Variants in MTURN observed in about 807,000 individuals in gnomAD.
MTURN encodes the protein maturin, neural progenitor differentiation regulator homolog.
A neutral mutation model predicts 14.9 loss-of-function variants in MTURN; 7 were observed. The observed-to-expected ratio is 0.47, with a 90% CI of 0.27 to 0.88. The LOEUF (loss-of-function observed/expected upper bound fraction) is 0.88, where lower values mean the gene tolerates loss of function less well. Among genes scored for constraint, MTURN ranks in the 40% least tolerant of loss-of-function variants. The pLI, the probability that MTURN is intolerant of heterozygous loss-of-function variation, is 0.14. For synonymous variants in MTURN, 69 were observed against 72.5 expected, an observed-to-expected ratio of 0.95 and a Z score of 0.25; for missense variants, 151 against 174.1, an observed-to-expected ratio of 0.87 and a Z score of 0.75.
At position 30,159,051 on chromosome 7, in the gene MTURN, C is replaced by A. The variant is rs566500989; in HGVS notation, c.*1503C>A. On this transcript the variant is annotated 3_prime_UTR_variant, in exon 3 of 3. Transcript: ENST00000324453. Reference sequence around the variant, plus strand: ...TAATTGATTGGTGCTGTGAGGAGTTCGGCTGCTCGTGGTAAAACAGCGTAC... The same window carrying A: ...TAATTGATTGGTGCTGTGAGGAGTTAGGCTGCTCGTGGTAAAACAGCGTAC... 7 of 152,232 alleles carry A rather than the reference C, an allele frequency of 4.6e-5. 1 individual carries two copies. Among genetic ancestry groups the A allele is most frequent in the Admixed American group, 4.6e-4 (7 of 15,294 alleles). 9.4% of individuals were successfully genotyped at this position (152,232 alleles called of 1,614,324 possible).
intron 1 of MTURN, among the ~76,000 whole-genome samples, chr7:30,143,273 G>A (rs1024457340): frequency 6.6e-6 from 1 of 151,770 alleles, no homozygotes; most frequent in Non-Finnish European, 1.5e-5. Context: ...TCTGTGTCCC[G>A]TCTGTAGTAA....
At chr7:30,155,613 A>G (rs1797275214) in intron 2 of MTURN, among the ~76,000 whole-genome samples, 1 of 152,172 alleles carries the variant, frequency 6.6e-6, no homozygotes, top group South Asian at 2.1e-4. Flanking sequence ...TCCCCTCTAC[A>G]TCCGCAGAGT....
chr7:30,145,998 A>G (rs753339933), intron 1 of MTURN, 179 bp from the exon 2 acceptor site: 1 of 1,549,246 alleles, frequency 6.5e-7, no homozygotes, highest in South Asian at 1.2e-5. Context: ...TAGATTAGAC[A>G]TTTTTTCTTC....
At chr7:30,144,487 C>T (rs188763255) in intron 1 of MTURN, among the ~76,000 whole-genome samples, 6 of 152,270 alleles carry the variant, frequency 3.9e-5, no homozygotes, top group African/African-American at 1.4e-4. Context: ...ACATAAATGA[C>T]ATTGTGGTGG....
intron 1 of MTURN, among the ~76,000 whole-genome samples, chr7:30,141,966 T>TA (rs1333814292): frequency 2.0e-5 from 3 of 152,104 alleles, no homozygotes; most frequent in Non-Finnish European, 2.9e-5. Context: ...AGTGTGTTCT[T>TA]ACCTCCCCTG....
intron 2 of MTURN, among the ~76,000 whole-genome samples, chr7:30,149,918 A>C (rs1797183674): frequency 6.6e-6 from 1 of 152,072 alleles, no homozygotes; most frequent in South Asian, 2.1e-4. Flanking sequence ...TGGGAGAGCT[A>C]TTTCTGTGAG....
Position 30,135,180 on chromosome 7 carries a change from C to G in MTURN, c.44C>G (p.Ser15Cys). The change falls in exon 1 of 3, where the codon TCC (serine) becomes TGC (cysteine). Residue 15 changes from serine to cysteine, a missense_variant. By Grantham distance (112) the Ser-to-Cys change is moderately radical. Transcript: ENST00000324453. Reference sequence around the variant, plus strand: ...GCCGACGTTGCGGAGAAATGGTGCTCCAACACGCCCTTCGAGCTCATCGCC... The same window carrying G: ...GCCGACGTTGCGGAGAAATGGTGCTGCAACACGCCCTTCGAGCTCATCGCC... ...QLADVAEKWC[S>C]NTPFELIATE... The G allele has an allele frequency of 1.3e-6, 2 of 1,491,066 alleles. No individual in the cohort carries two copies. The highest frequency in any genetic ancestry group is 1.8e-6 in the Non-Finnish European group (2 of 1,116,910). 92.4% of individuals were successfully genotyped at this position (1,491,066 alleles called of 1,614,324 possible).
chr7:30,159,977 G>GC lies in MTURN; in HGVS notation c.*2430dup, dbSNP rs1797344998. 6.6e-6 allele frequency: 1 copy of GC among 152,420 alleles called. No homozygotes were observed. Among genetic ancestry groups the GC allele is most frequent in the African/African-American group, 2.4e-5 (1 of 41,476 alleles). 9.4% of individuals were successfully genotyped at this position (152,420 alleles called of 1,614,324 possible). ...TTACACATTTACTCACCAGGAGGTG[G>GC]CAGCGGTGTGGGAGGAGGAGTGTTG... On this transcript the variant is annotated 3_prime_UTR_variant, in exon 3 of 3. Transcript: ENST00000324453.
rs187024339 is a variant in MTURN, at chr7:30,142,858, A to G, written c.163-3319A>G. Among the ~76,000 whole-genome samples, 23 of 152,356 alleles carry G rather than the reference A, an allele frequency of 1.5e-4. No homozygotes were observed. In the East Asian group the frequency reaches 4.2e-3, roughly 28 times the overall value. On this transcript the variant is annotated intron_variant, in intron 1 of 2. Coordinates refer to ENST00000324453, the MANE Select transcript of MTURN (RefSeq NM_152793.3). ...TTCCGTACCCAGATTCATGTTTGCC[A>G]GGGCGTTGCATTGTTCAGCGCTAGA... is the stretch of plus-strand genomic sequence containing the variant.
At position 30,160,314 on chromosome 7, in the gene MTURN, T is replaced by A. The variant is rs1168537621; in HGVS notation, c.*2766T>A. 5.3e-5 allele frequency: 8 copies of A among 152,320 alleles called. No individual in the cohort carries two copies. Among genetic ancestry groups the A allele is most frequent in the African/African-American group, 1.9e-4 (8 of 41,462 alleles). 9.4% of individuals were successfully genotyped at this position (152,320 alleles called of 1,614,324 possible). A position where few individuals can be genotyped will look rare whatever the true frequency, so the allele number is the denominator to read the frequency against. ...TGAGGGCTCGATCTCATGGGGCAGA[T>A]GAAATTCTCTTCCTTAGAGGAAAGG... On this transcript the variant is annotated 3_prime_UTR_variant, in exon 3 of 3. Coordinates refer to ENST00000324453, the MANE Select transcript of MTURN (RefSeq NM_152793.3).
At chr7:30,141,330 A>T (rs932808456) in intron 1 of MTURN, 1 of 151,382 alleles carries the variant, frequency 6.6e-6, no homozygotes, top group East Asian at 1.9e-4. Flanking sequence ...CAGGAGAATC[A>T]ATTGATCCCG....
chr7:30,159,695 G>C lies in MTURN; in HGVS notation c.*2147G>C, dbSNP rs1797341304. On this transcript the variant is annotated 3_prime_UTR_variant, in exon 3 of 3. Coordinates refer to ENST00000324453, the MANE Select transcript of MTURN (RefSeq NM_152793.3). ...TAGGAAACAGAGAACATGTCTGTAT[G>C]TTACTTAATCTCCATAGCAAAATCC... 1 of 152,650 alleles carries C rather than the reference G, an allele frequency of 6.6e-6. No homozygotes were observed. Among genetic ancestry groups the C allele is most frequent in the East Asian group, 1.9e-4 (1 of 5,202 alleles). 9.5% of individuals were successfully genotyped at this position (152,650 alleles called of 1,614,324 possible).
chr7:30,148,769 G>A (rs774980283), intron 2 of MTURN, among the ~76,000 whole-genome samples: 2 of 152,128 alleles, frequency 1.3e-5, no homozygotes, highest in Non-Finnish European at 2.9e-5. Context: ...GGAAGGCTGC[G>A]GGGGCGGGTG....
At chr7:30,137,813 A>G (rs1796989327) in intron 1 of MTURN, 1 of 376,444 alleles carries the variant, frequency 2.7e-6, no homozygotes, top group Non-Finnish European at 5.5e-6. Context: ...CTATTAGTTG[A>G]AGGACTTAGC....
chr7:30,149,399 G>A (rs145727408), intron 2 of MTURN, among the ~76,000 whole-genome samples: 368 of 152,278 alleles, frequency 2.4e-3, no homozygotes, highest in Non-Finnish European at 4.4e-3. Flanking sequence ...GGGCTGGGCC[G>A]CCCTCTGGCA....
Position 30,135,170 on chromosome 7 carries a change from A to T in MTURN, c.34A>T (p.Lys12Ter). 1 of 1,480,238 alleles carries T rather than the reference A, an allele frequency of 6.8e-7. No individual in the cohort carries two copies. The highest frequency in any genetic ancestry group is 9.0e-7 in the Non-Finnish European group (1 of 1,110,784). 91.7% of individuals were successfully genotyped at this position (1,480,238 alleles called of 1,614,324 possible). Residue 12 changes from lysine (K) to a stop codon, truncating the protein, a stop_gained, in exon 1 of 3, where the codon AAA becomes TAA. Transcript: ENST00000324453. LOFTEE classifies it high-confidence loss of function. The part of the protein sequence containing the change: ...DFQQLADVAE[K>*]WCSNTPFELI... ...CCAGCAGCTGGCCGACGTTGCGGAGAAATGGTGCTCCAACACGCCCTTCGA... is the reference window on the plus strand; with the variant it reads ...CCAGCAGCTGGCCGACGTTGCGGAGTAATGGTGCTCCAACACGCCCTTCGA...
At chr7:30,140,021 G>A (rs1464484202) in intron 1 of MTURN, among the ~76,000 whole-genome samples, 2 of 152,164 alleles carry the variant, frequency 1.3e-5, no homozygotes, top group African/African-American at 2.4e-5. Context: ...AAGGTCCTTC[G>A]GGGCTTGGTA....
chr7:30,152,790 A>C (rs1332885514), intron 2 of MTURN, among the ~76,000 whole-genome samples: 1 of 152,210 alleles, frequency 6.6e-6, no homozygotes, highest in Non-Finnish European at 1.5e-5. Flanking sequence ...ACTATTATCC[A>C]AAAGACCTGT....
chr7:30,135,465 G>A (rs1490181096), intron 1 of MTURN, among the ~76,000 whole-genome samples, 167 bp downstream of exon 1: 1 of 151,074 alleles, frequency 6.6e-6, no homozygotes, highest in Non-Finnish European at 1.5e-5. Context: ...GGGCCGGGCG[G>A]TGCGGGCTCC....
Sources: gnomAD v4.1 joint callset for allele counts (sites outside exome capture counted in the v4.1 genomes callset) on GRCh38, gnomAD v4.1.1 for gene constraint, MANE v1.5 for transcripts, NCBI Gene and HGNC (gene_info 2026-07-23, HGNC 2026-07-21) for gene names.